The following FAR2 variants were observed in gnomAD, a reference collection of about 807,000 sequenced individuals.
FAR2 encodes epididymis secretory protein Li 81.
FAR2 carries 19 observed loss-of-function variants against 56.0 expected under a neutral mutation model. That is an observed-to-expected ratio of 0.34 (90% CI 0.24 to 0.50). The LOEUF (loss-of-function observed/expected upper bound fraction) is 0.50. Among genes scored for constraint, FAR2 ranks in the 20% least tolerant of loss-of-function variants. The pLI is 0.98. For synonymous variants in FAR2, 219 were observed against 218.8 expected (o/e 1.00, Z -0.01); for missense variants, 508 against 642.2 (o/e 0.79, Z 2.26).
intron 4 of FAR2, among the ~76,000 whole-genome samples, chr12:29,298,508 G>A (rs1949108440): frequency 6.6e-6 from 1 of 152,110 alleles, no homozygotes; most frequent in Non-Finnish European, 1.5e-5. Context: ...TGTCTGTCAT[G>A]TAAAAATATC....
chr12:29,183,561 A>G (rs1411943527), intron 1 of FAR2, among the ~76,000 whole-genome samples: 3 of 152,174 alleles, frequency 2.0e-5, no homozygotes, highest in Admixed American at 6.5e-5. Flanking sequence ...CTTCACTGCC[A>G]TATTCATCTC....
chr12:29,310,319 A>G (rs949891631), intron 6 of FAR2, among the ~76,000 whole-genome samples: 13 of 152,232 alleles, frequency 8.5e-5, no homozygotes, highest in Admixed American at 4.6e-4. Context: ...GTAACATAAG[A>G]AAGTGCTAAT....
chr12:29,244,460 C>G lies in FAR2; in HGVS notation c.-38-25952C>G, dbSNP rs573061358. ...ACACAACCTCTTAGGAACTGTATAT[C>G]TCAAAGTGACAGGCAGAGCTTCTTG... On this transcript the variant is annotated intron_variant, in intron 1 of 11. Coordinates refer to ENST00000536681, the MANE Select transcript of FAR2 (RefSeq NM_001271783.2). 1.2e-3 allele frequency among the ~76,000 whole-genome samples: 190 copies of G among 152,292 alleles called. 1 individual carries two copies. The highest frequency in any genetic ancestry group is 4.5e-3 in the African/African-American group (189 of 41,564).
chr12:29,319,521 A>C (rs1355239713), intron 9 of FAR2, among the ~76,000 whole-genome samples: 1 of 152,074 alleles, frequency 6.6e-6, no homozygotes, highest in Non-Finnish European at 1.5e-5. Flanking sequence ...GTCCTTATTA[A>C]TGTATGGGAA....
chr12:29,261,210 A>G (rs1367708139), intron 1 of FAR2, among the ~76,000 whole-genome samples: 2 of 152,334 alleles, frequency 1.3e-5, no homozygotes, highest in East Asian at 1.9e-4. Context: ...TTAGAATACT[A>G]TCAGATACAT....
chr12:29,197,683 T>C (rs1448892015), intron 1 of FAR2, among the ~76,000 whole-genome samples: 1 of 152,206 alleles, frequency 6.6e-6, no homozygotes, highest in Non-Finnish European at 1.5e-5. Context: ...TTTTTAAATA[T>C]CTATAATTGA....
chr12:29,321,836 T>C lies in FAR2; in HGVS notation c.1169T>C (p.Met390Thr), dbSNP rs1390264330. Residue 390 changes from methionine (M) to threonine (T), a missense_variant, in exon 10 of 12, where the codon ATG (methionine) becomes ACG (threonine). Coordinates refer to ENST00000536681, the MANE Select transcript of FAR2 (RefSeq NM_001271783.2). ...AATCGGCTTTTAAGAACTGTTTCCA[T>C]GTTGGAGTATTTCATCAACCGGAGT... is the stretch of plus-strand genomic sequence containing the variant. Reference protein sequence around the residue: ...LMNRLLRTVSMLEYFINRSWE... With the variant: ...LMNRLLRTVSTLEYFINRSWE... 6.2e-7 allele frequency: 1 copy of C among 1,613,894 alleles called. No individual in the cohort carries two copies. The highest frequency in any genetic ancestry group is 8.5e-7 in the Non-Finnish European group (1 of 1,179,810).
At chr12:29,309,107 T>C in intron 5 of FAR2, 79 bp from the exon 6 acceptor site, 2 of 977,038 alleles carry the variant, frequency 2.0e-6, no homozygotes, top group East Asian at 2.4e-5. Context: ...TTGAAATTTA[T>C]TAAGATTAGA....
intron 10 of FAR2, among the ~76,000 whole-genome samples, chr12:29,328,405 G>T (rs1363713563): frequency 1.3e-5 from 2 of 152,112 alleles, no homozygotes; most frequent in African/African-American, 2.4e-5. Flanking sequence ...CCATTACTGG[G>T]TATATACCCA....
At chr12:29,322,769 A>G (rs1052861307) in intron 10 of FAR2, among the ~76,000 whole-genome samples, 2 of 152,230 alleles carry the variant, frequency 1.3e-5, no homozygotes, top group African/African-American at 4.8e-5. Flanking sequence ...GACAGCATGT[A>G]GAAGAAACCA....
At chr12:29,306,795 G>C (rs141700235) in intron 4 of FAR2, among the ~76,000 whole-genome samples, 1 of 152,176 alleles carries the variant, frequency 6.6e-6, no homozygotes, top group Non-Finnish European at 1.5e-5. Context: ...ACATTATCTT[G>C]TAAGTAGGAG....
intron 1 of FAR2, among the ~76,000 whole-genome samples, chr12:29,261,379 A>G (rs565209074): frequency 2.6e-4 from 40 of 152,314 alleles, no homozygotes; most frequent in Admixed American, 2.4e-3. Flanking sequence ...TTGGAAATAC[A>G]CAGAGAAGAC....
chr12:29,297,233 GGTAGAATAA>G, intron 4 of FAR2, 33 bp downstream of exon 4: 3 of 1,571,340 alleles, frequency 1.9e-6, no homozygotes, highest in East Asian at 4.5e-5. Context: ...TCAAGGGGCG[GGTAGAATAA>G]GTTCCTTTGT....
chr12:29,240,534 T>G (rs1948012218), intron 1 of FAR2, among the ~76,000 whole-genome samples: 1 of 147,542 alleles, frequency 6.8e-6, no homozygotes, highest in African/African-American at 2.5e-5. Context: ...TTTTTTTTAA[T>G]TTGAAAATGT....
At chr12:29,229,435 A>G (rs1410279852) in intron 1 of FAR2, among the ~76,000 whole-genome samples, 2 of 152,252 alleles carry the variant, frequency 1.3e-5, no homozygotes, top group Non-Finnish European at 2.9e-5. Context: ...GTTGAGGAAC[A>G]AAAATAAATT....
intron 1 of FAR2, among the ~76,000 whole-genome samples, chr12:29,190,449 T>G (rs1438380783): frequency 1.3e-5 from 2 of 152,130 alleles, no homozygotes; most frequent in East Asian, 1.9e-4. Flanking sequence ...AGTAGTTTTA[T>G]TTTTAATTAA....
At chr12:29,263,480 A>T (rs1346366540) in intron 1 of FAR2, among the ~76,000 whole-genome samples, 1 of 152,042 alleles carries the variant, frequency 6.6e-6, no homozygotes, top group Non-Finnish European at 1.5e-5. Flanking sequence ...TAAAAGTAGA[A>T]GTCAACAACA....
chr12:29,286,114 C>T (rs1345631479), intron 2 of FAR2, among the ~76,000 whole-genome samples: 2 of 151,884 alleles, frequency 1.3e-5, no homozygotes, highest in Non-Finnish European at 2.9e-5. Flanking sequence ...ACACAGCTTT[C>T]TGATCAGCAG....
rs1841874531 is a variant in FAR2, at chr12:29,311,137, C to T, written c.878C>T (p.Ala293Val). ...ATGCTAGCTGTAGGATGGTATACTGCAGTTCACAGGTGTGGATGCTCAAGT... is the reference window on the plus strand; with the variant it reads ...ATGCTAGCTGTAGGATGGTATACTGTAGTTCACAGGTGTGGATGCTCAAGT... ...NLMLAVGWYT[A>V]VHRPKSTLVY... The change falls in exon 7 of 12, where the codon GCA (alanine) becomes GTA (valine). Residue 293 changes from alanine to valine, a missense_variant. By Grantham distance (64) the Ala-to-Val change is moderately conservative. Coordinates refer to ENST00000536681, the MANE Select transcript of FAR2 (RefSeq NM_001271783.2). 1 of 1,611,126 alleles carries T rather than the reference C, an allele frequency of 6.2e-7. No individual in the cohort carries two copies. Among genetic ancestry groups the T allele is most frequent in the African/African-American group, 1.3e-5 (1 of 74,930 alleles).
Sources: gnomAD v4.1 joint callset for allele counts (sites outside exome capture counted in the v4.1 genomes callset) on GRCh38, gnomAD v4.1.1 for gene constraint, MANE v1.5 for transcripts, NCBI Gene and HGNC (gene_info 2026-07-23, HGNC 2026-07-21) for gene names.